The following MAGI3 variants were observed in gnomAD, a reference collection of about 807,000 sequenced individuals.
MAGI3 encodes the protein membrane-associated guanylate kinase, WW and PDZ domain-containing protein 3.
A neutral mutation model predicts 121.8 loss-of-function variants in MAGI3; 43 were observed. The ratio of observed to expected loss-of-function variants is 0.35; its 90% CI spans 0.28 to 0.46. The LOEUF (loss-of-function observed/expected upper bound fraction) is 0.46. Among genes scored for constraint, MAGI3 ranks in the 20% least tolerant of loss-of-function variants. The pLI, the probability that MAGI3 is intolerant of heterozygous loss-of-function variation, is 1.00. For missense variants in MAGI3, 1,547 were observed against 1,797.3 expected, an observed-to-expected ratio of 0.86 and a Z score of 2.52; for synonymous variants, 553 against 639.3, an observed-to-expected ratio of 0.86 and a Z score of 2.04.
chr1:113,654,574 G>A (rs1010874850), intron 15 of MAGI3, among the ~76,000 whole-genome samples: 1 of 152,006 alleles, frequency 6.6e-6, no homozygotes, highest in Non-Finnish European at 1.5e-5. Flanking sequence ...GTCAACAATT[G>A]GAAAATGGAT....
intron 6 of MAGI3, among the ~76,000 whole-genome samples, chr1:113,608,808 C>T (rs1649947275): frequency 6.6e-6 from 1 of 152,176 alleles, no homozygotes; most frequent in Non-Finnish European, 1.5e-5. Context: ...CCCCCTAATG[C>T]TCTTTACATT....
chr1:113,421,918 A>G (rs1484113477), intron 1 of MAGI3, among the ~76,000 whole-genome samples: 1 of 150,158 alleles, frequency 6.7e-6, no homozygotes, highest in Non-Finnish European at 1.5e-5. Context: ...TGATTGTCTG[A>G]TGTGGAATTT....
chr1:113,408,085 A>G (rs1266970587), intron 1 of MAGI3, among the ~76,000 whole-genome samples: 2 of 152,122 alleles, frequency 1.3e-5, no homozygotes, highest in Non-Finnish European at 2.9e-5. Flanking sequence ...TTGCATACCT[A>G]CTATGCACTA....
intron 2 of MAGI3, among the ~76,000 whole-genome samples, chr1:113,575,300 A>G (rs1418431785): frequency 6.6e-6 from 1 of 152,084 alleles, no homozygotes; most frequent in Non-Finnish European, 1.5e-5. Context: ...GCATTTTTGT[A>G]CTGGTTTTTC....
rs1184943909 is a variant in MAGI3, at chr1:113,537,693, G to T, written c.317-11822G>T. On this transcript the variant is annotated intron_variant, in intron 1 of 20. Coordinates refer to ENST00000307546, the MANE Select transcript of MAGI3 (RefSeq NM_001142782.2). ...AAATTGTTTTGTATTTTCTGGAGTT[G>T]ATAACGTTTTTAAGAGATAATAAAT... Among the ~76,000 whole-genome samples, 5 of 152,104 alleles carry T rather than the reference G, an allele frequency of 3.3e-5. No homozygotes were observed. In the South Asian group the frequency reaches 8.3e-4, roughly 25 times the overall value.
chr1:113,396,076 ATCT>A (rs1357405313), intron 1 of MAGI3, among the ~76,000 whole-genome samples: 1 of 152,068 alleles, frequency 6.6e-6, no homozygotes, highest in Admixed American at 6.6e-5. Flanking sequence ...GACAAAACAA[ATCT>A]TCTAAATTCA....
intron 1 of MAGI3, among the ~76,000 whole-genome samples, chr1:113,439,043 A>G (rs1392370276): frequency 1.3e-5 from 2 of 152,180 alleles, no homozygotes; most frequent in Non-Finnish European, 2.9e-5. Flanking sequence ...TGGGGCCATT[A>G]TTAAATAAAA....
intron 6 of MAGI3, among the ~76,000 whole-genome samples, chr1:113,607,571 A>G (rs976043237): frequency 4.6e-5 from 7 of 152,252 alleles, no homozygotes; most frequent in African/African-American, 1.2e-4. Flanking sequence ...ATGACCATAT[A>G]TAAGCTTTTT....
At chr1:113,512,280 A>C (rs1657652679) in intron 1 of MAGI3, among the ~76,000 whole-genome samples, 1 of 152,172 alleles carries the variant, frequency 6.6e-6, no homozygotes, top group Non-Finnish European at 1.5e-5. Context: ...TTCTATTATA[A>C]TGTTTAGACC....
intron 7 of MAGI3, among the ~76,000 whole-genome samples, chr1:113,617,182 C>T (rs1368721398): frequency 6.6e-6 from 1 of 152,122 alleles, no homozygotes; most frequent in Non-Finnish European, 1.5e-5. Flanking sequence ...AGCTACCATG[C>T]CCAGCCATCT....
intron 1 of MAGI3, among the ~76,000 whole-genome samples, chr1:113,488,092 C>CT (rs766700685): frequency 3.3e-5 from 5 of 151,738 alleles, no homozygotes; most frequent in East Asian, 1.9e-4. Context: ...TTTTTTCTTG[C>CT]TTTTTTTTAC....
intron 5 of MAGI3, among the ~76,000 whole-genome samples, chr1:113,592,385 A>T (rs989714599): frequency 1.3e-5 from 2 of 152,102 alleles, no homozygotes; most frequent in Admixed American, 6.6e-5. Flanking sequence ...TCATTGGAAA[A>T]TTTTGGGTAA....
At chr1:113,403,019 A>G (rs528755657) in intron 1 of MAGI3, among the ~76,000 whole-genome samples, 50 of 152,252 alleles carry the variant, frequency 3.3e-4, no homozygotes, top group African/African-American at 1.2e-3. Flanking sequence ...CATTTACCAC[A>G]TACTCCTTTG....
intron 20 of MAGI3, chr1:113,682,421 A>G: frequency 7.1e-7 from 1 of 1,404,820 alleles, no homozygotes; most frequent in Non-Finnish European, 9.2e-7. Context: ...TTGACATTAA[A>G]TTTGACAGCT....
intron 1 of MAGI3, among the ~76,000 whole-genome samples, chr1:113,503,743 T>G (rs1376750002): frequency 6.6e-6 from 1 of 152,150 alleles, no homozygotes; most frequent in Non-Finnish European, 1.5e-5. Flanking sequence ...CTAATTTGCA[T>G]TCTCATATAT....
At chr1:113,668,631 G>A (rs944267231) in intron 16 of MAGI3, among the ~76,000 whole-genome samples, 6 of 138,976 alleles carry the variant, frequency 4.3e-5, no homozygotes, top group African/African-American at 1.1e-4. Context: ...GCCGGACTGC[G>A]GACTGCAGTG....
intron 1 of MAGI3, among the ~76,000 whole-genome samples, chr1:113,493,590 C>A (rs1656768423): frequency 6.6e-6 from 1 of 152,180 alleles, no homozygotes; most frequent in African/African-American, 2.4e-5. Flanking sequence ...AGTGAACAGA[C>A]AACCTACAGA....
Position 113,681,293 on chromosome 1 carries a change from T to A in MAGI3, c.3285T>A (p.Val1095=). The A allele has an allele frequency of 6.2e-7, 1 of 1,614,108 alleles. No homozygotes were observed. Residue 1095 remains valine (V), a synonymous_variant, in exon 20 of 21, where the codon GTT becomes GTA. Transcript: ENST00000307546. ...TCATTCAGGCTGGTGGAAATAAAGT[T>A]CTTCTTCTTTTGAGGCCAGGAACTG... ...IELIQAGGNK[V]LLLLRPGTGL... is the part of the protein sequence containing the mutation.
Position 113,672,679 on chromosome 1 carries a change from C to T in MAGI3, c.2983C>T (p.His995Tyr). ...TTCTTACAGACATTCTTGGTCAGAC[C>T]ACAAGCACCTTGCACAGCCTGACAC... is the stretch of plus-strand genomic sequence containing the variant. ...STSYRHSWSD[H>Y]KHLAQPDTAV... Residue 995 changes from histidine to tyrosine, a missense_variant, in exon 18 of 21, where the codon CAC becomes TAC. By Grantham distance (83) the His-to-Tyr change is moderately conservative. Transcript: ENST00000307546. The T allele has an allele frequency of 6.2e-7, 1 of 1,613,894 alleles. No homozygotes were observed. The highest frequency in any genetic ancestry group is 1.1e-5 in the South Asian group (1 of 91,034).
Sources: gnomAD v4.1 joint callset for allele counts (sites outside exome capture counted in the v4.1 genomes callset) on GRCh38, gnomAD v4.1.1 for gene constraint, MANE v1.5 for transcripts, NCBI Gene and HGNC (gene_info 2026-07-23, HGNC 2026-07-21) for gene names.